SPTLC2: variants seen among roughly 807,000 people sequenced by gnomAD.
SPTLC2 encodes the protein serine palmitoyltransferase 2.
In SPTLC2, 21 loss-of-function variants were observed where a neutral mutation model predicts 62.0. The observed-to-expected ratio is 0.34, with a 90% CI of 0.24 to 0.49. The LOEUF (loss-of-function observed/expected upper bound fraction) is 0.49, where lower values mean the gene tolerates loss of function less well. Among genes scored for constraint, SPTLC2 ranks in the 20% least tolerant of loss-of-function variants. The pLI, the probability that SPTLC2 is intolerant of heterozygous loss-of-function variation, is 0.99. For missense variants in SPTLC2, 511 were observed against 713.0 expected, an observed-to-expected ratio of 0.72 and a Z score of 3.23; for synonymous variants, 261 against 261.8, an observed-to-expected ratio of 1.00 and a Z score of 0.03.
At chr14:77,591,326 A>G (rs1015057753) in intron 2 of SPTLC2, among the ~76,000 whole-genome samples, 3 of 152,180 alleles carry the variant, frequency 2.0e-5, no homozygotes, top group Non-Finnish European at 2.9e-5. Flanking sequence ...GAGGGTGGGG[A>G]GGGTGGATGA....
intron 5 of SPTLC2, among the ~76,000 whole-genome samples, chr14:77,568,292 T>C (rs1452276117): frequency 6.6e-6 from 1 of 152,232 alleles, no homozygotes; most frequent in African/African-American, 2.4e-5. Flanking sequence ...CAATTTCTAA[T>C]TTAAATTCCA....
At chr14:77,577,249 CA>C (rs2079721819) in intron 3 of SPTLC2, among the ~76,000 whole-genome samples, 1 of 150,898 alleles carries the variant, frequency 6.6e-6, no homozygotes, top group African/African-American at 2.4e-5. Context: ...GTAACTCCCG[CA>C]CATGAGAATA....
At chr14:77,514,595 CCT>C (rs1352100978) in intron 11 of SPTLC2, among the ~76,000 whole-genome samples, 12 of 152,218 alleles carry the variant, frequency 7.9e-5, no homozygotes, top group African/African-American at 1.9e-4. Flanking sequence ...CTGCCGCTCC[CCT>C]GAGCCAATAT....
rs1418206824 is a variant in SPTLC2, at chr14:77,506,069, T to C, written c.*6215A>G. The C allele has an allele frequency of 6.6e-6, 1 of 152,182 alleles. No homozygotes were observed. Among genetic ancestry groups the C allele is most frequent in the African/African-American group, 2.4e-5 (1 of 41,436 alleles). 9.4% of individuals were successfully genotyped at this position (152,182 alleles called of 1,614,324 possible). On this transcript the variant is annotated 3_prime_UTR_variant, in exon 12 of 12. Coordinates refer to ENST00000216484, the MANE Select transcript of SPTLC2 (RefSeq NM_004863.4). Reference sequence around the variant, plus strand: ...ATGCTTCTTAAGTCATCTCAAGTAGTTCCCCTTCAGTTCTTAACATGCACT... The same window carrying C: ...ATGCTTCTTAAGTCATCTCAAGTAGCTCCCCTTCAGTTCTTAACATGCACT...
At chr14:77,578,613 G>A (rs576426686) in intron 3 of SPTLC2, among the ~76,000 whole-genome samples, 8 of 151,876 alleles carry the variant, frequency 5.3e-5, no homozygotes, top group African/African-American at 1.5e-4. Context: ...CCAGCTACTC[G>A]GGAGGCTGAG....
chr14:77,521,699 T>C (rs898487756), intron 9 of SPTLC2, 118 bp from the exon 10 acceptor site: 2 of 918,278 alleles, frequency 2.2e-6, no homozygotes, highest in African/African-American at 3.3e-5. Context: ...TTTTTTCCAT[T>C]TCACCATAAA....
chr14:77,559,489 G>A (rs1475874129), intron 6 of SPTLC2, among the ~76,000 whole-genome samples: 2 of 152,196 alleles, frequency 1.3e-5, no homozygotes, highest in Non-Finnish European at 2.9e-5. Flanking sequence ...ATCTGAGAAT[G>A]AGGAGGGTAT....
chr14:77,564,621 T>C (rs2079634745), intron 5 of SPTLC2, among the ~76,000 whole-genome samples: 2 of 152,036 alleles, frequency 1.3e-5, no homozygotes, highest in Admixed American at 1.3e-4. Flanking sequence ...GGAGAACTGG[T>C]TAATTCCAAA....
At chr14:77,559,976 T>C (rs1403744461) in intron 6 of SPTLC2, among the ~76,000 whole-genome samples, 8 of 151,902 alleles carry the variant, frequency 5.3e-5, no homozygotes, top group African/African-American at 1.9e-4. Flanking sequence ...ATAGAAACAA[T>C]TTGAAAATGG....
rs1463252708 is a variant in SPTLC2, at chr14:77,508,803, GCCT to G, written c.*3478_*3480del. 41 of 152,118 alleles carry G rather than the reference GCCT, an allele frequency of 2.7e-4. No individual in the cohort carries two copies. The highest frequency in any genetic ancestry group is 2.6e-3 in the Admixed American group (40 of 15,270). 9.4% of individuals were successfully genotyped at this position (152,118 alleles called of 1,614,324 possible). ...AGCTAGCTTAAGCCCCTAATGAAAA[GCCT>G]CCTCCTGAAATGTAAGGCTAAGTGT... On this transcript the variant is annotated 3_prime_UTR_variant, in exon 12 of 12. Transcript: ENST00000216484.
intron 2 of SPTLC2, among the ~76,000 whole-genome samples, chr14:77,586,076 T>C (rs905370700): frequency 2.2e-5 from 2 of 91,498 alleles, no homozygotes; most frequent in African/African-American, 3.3e-5. Flanking sequence ...TTTTTCTTTT[T>C]TCTTTTTTTT....
At chr14:77,567,725 A>G (rs1431227465) in intron 5 of SPTLC2, among the ~76,000 whole-genome samples, 1 of 150,978 alleles carries the variant, frequency 6.6e-6, no homozygotes, top group Non-Finnish European at 1.5e-5. Flanking sequence ...CCTATTGTCT[A>G]TTTTCTAATT....
At chr14:77,529,447 A>G (rs935434475) in intron 9 of SPTLC2, among the ~76,000 whole-genome samples, 1 of 151,642 alleles carries the variant, frequency 6.6e-6, no homozygotes, top group African/African-American at 2.4e-5. Flanking sequence ...AAGTGTTTAT[A>G]ACATCAGATA....
At chr14:77,597,411 A>G in intron 1 of SPTLC2, 31 bp from the exon 2 acceptor site, 1 of 1,590,352 alleles carries the variant, frequency 6.3e-7, no homozygotes, top group Non-Finnish European at 8.6e-7. Context: ...GTTTATTTCC[A>G]TCATGGCAAG....
At chr14:77,568,824 A>AAAAG (rs1555376058) in intron 5 of SPTLC2, among the ~76,000 whole-genome samples, 12 of 145,348 alleles carry the variant, frequency 8.3e-5, no homozygotes, top group Admixed American at 1.4e-4. Flanking sequence ...AAAAAAAAAA[A>AAAAG]AGAGAGAGGG....
intron 2 of SPTLC2, among the ~76,000 whole-genome samples, chr14:77,582,215 G>A (rs928750840): frequency 6.6e-6 from 1 of 151,902 alleles, no homozygotes; most frequent in Non-Finnish European, 1.5e-5. Context: ...ACCACACCTG[G>A]CTAATTTTTG....
intron 1 of SPTLC2, among the ~76,000 whole-genome samples, chr14:77,611,471 AAAAAG>A (rs2079937085): frequency 1.3e-5 from 2 of 151,578 alleles, no homozygotes; most frequent in Non-Finnish European, 2.9e-5. Context: ...AAAAAAAAAA[AAAAAG>A]AAAGAAAAGA....
chr14:77,521,812 C>T (rs1357148442), intron 9 of SPTLC2, among the ~76,000 whole-genome samples: 3 of 152,114 alleles, frequency 2.0e-5, no homozygotes, highest in East Asian at 1.9e-4. Flanking sequence ...ATGTAAAAAA[C>T]GTTTAATGGA....
At chr14:77,604,883 AAAAG>A (rs1325698035) in intron 1 of SPTLC2, among the ~76,000 whole-genome samples, 7 of 151,932 alleles carry the variant, frequency 4.6e-5, no homozygotes, top group African/African-American at 1.4e-4. Flanking sequence ...AAAAAAAAAA[AAAAG>A]GTAAAATGAC....
Sources: gnomAD v4.1 joint callset for allele counts (sites outside exome capture counted in the v4.1 genomes callset) on GRCh38, gnomAD v4.1.1 for gene constraint, MANE v1.5 for transcripts, NCBI Gene and HGNC (gene_info 2026-07-23, HGNC 2026-07-21) for gene names.